The following NCAM2 variants were observed in gnomAD, a reference collection of about 807,000 sequenced individuals.
The protein encoded by NCAM2 is N-CAM-2.
A neutral mutation model predicts 98.1 loss-of-function variants in NCAM2; 30 were observed. That is an observed-to-expected ratio of 0.31 (90% CI 0.23 to 0.41). The LOEUF is 0.41. Ranked by LOEUF, NCAM2 falls within the 10% of genes least tolerant of loss-of-function variation. The pLI is 1.00. For missense variants in NCAM2, 867 were observed against 1,005.8 expected (o/e 0.86, Z 1.87); for synonymous variants, 368 against 342.4 (o/e 1.07, Z -0.83).
At chr21:21,425,312 A>G (rs1389331877) in intron 11 of NCAM2, among the ~76,000 whole-genome samples, 1 of 152,108 alleles carries the variant, frequency 6.6e-6, no homozygotes, top group Non-Finnish European at 1.5e-5. Context: ...AAATATCTAA[A>G]ATATATAAAT....
chr21:21,335,845 C>T (rs1261359221), intron 7 of NCAM2, among the ~76,000 whole-genome samples, 180 bp downstream of exon 7: 2 of 152,086 alleles, frequency 1.3e-5, no homozygotes, highest in South Asian at 2.1e-4. Context: ...CGTAAAATTA[C>T]ATATGCAAAT....
intron 1 of NCAM2, among the ~76,000 whole-genome samples, chr21:21,163,466 C>T (rs939310190): frequency 1.3e-5 from 2 of 152,058 alleles, no homozygotes; most frequent in African/African-American, 4.8e-5. Context: ...AAAACATTTT[C>T]GTTTGCTTTA....
intron 1 of NCAM2, chr21:21,210,517 T>C (rs922827757): frequency 7.8e-6 from 10 of 1,283,656 alleles, no homozygotes; most frequent in African/African-American, 3.0e-5. Flanking sequence ...TGTAAGAGAC[T>C]TAAAGAACAA....
chr21:21,207,824 C>A (rs56342244), intron 1 of NCAM2, among the ~76,000 whole-genome samples: 147 of 152,256 alleles, frequency 9.7e-4, no homozygotes, highest in African/African-American at 3.3e-3. Flanking sequence ...TAAAAATTGG[C>A]TGACCACTAA....
intron 9 of NCAM2, among the ~76,000 whole-genome samples, chr21:21,404,787 T>A (rs1420315847): frequency 1.3e-5 from 2 of 151,810 alleles, no homozygotes; most frequent in African/African-American, 4.8e-5. Context: ...TACCCACTCG[T>A]ATGTACATAT....
chr21:21,447,594 A>G (rs1307060748), intron 12 of NCAM2, among the ~76,000 whole-genome samples: 1 of 152,180 alleles, frequency 6.6e-6, no homozygotes, highest in Non-Finnish European at 1.5e-5. Context: ...AACTATCATC[A>G]GAGTGAACAG....
chr21:21,415,330 C>CTTTT (rs34997215), intron 10 of NCAM2, among the ~76,000 whole-genome samples: 9 of 70,826 alleles, frequency 1.3e-4, no homozygotes, highest in Non-Finnish European at 1.7e-4. Flanking sequence ...TTAGCTTGAT[C>CTTTT]TTTTTTTTTT....
At chr21:21,322,768 G>A (rs1274378815) in intron 5 of NCAM2, among the ~76,000 whole-genome samples, 1 of 152,038 alleles carries the variant, frequency 6.6e-6, no homozygotes, top group South Asian at 2.1e-4. Context: ...GGAAAGACTT[G>A]GAAGACTCAG....
intron 1 of NCAM2, among the ~76,000 whole-genome samples, chr21:21,044,624 G>T (rs1281006229): frequency 6.6e-6 from 1 of 152,000 alleles, no homozygotes; most frequent in Non-Finnish European, 1.5e-5. Context: ...AAAAATAAAA[G>T]AATTATGTTC....
intron 1 of NCAM2, among the ~76,000 whole-genome samples, chr21:21,181,732 T>G (rs2068477896): frequency 6.6e-6 from 1 of 152,166 alleles, no homozygotes; most frequent in South Asian, 2.1e-4. Flanking sequence ...TTCTTCTTTG[T>G]GACCGTTCCT....
chr21:21,527,029 A>T (rs1294730095), intron 16 of NCAM2, among the ~76,000 whole-genome samples: 1 of 152,188 alleles, frequency 6.6e-6, no homozygotes, highest in East Asian at 1.9e-4. Flanking sequence ...TACTAGAATA[A>T]AACATGGCAG....
intron 15 of NCAM2, among the ~76,000 whole-genome samples, chr21:21,479,455 A>G (rs957392342): frequency 3.3e-5 from 5 of 151,344 alleles, no homozygotes; most frequent in East Asian, 2.0e-4. Context: ...GTGGTGGTGG[A>G]CGCCTGTAGT....
At chr21:21,430,032 A>T (rs919112156) in intron 11 of NCAM2, among the ~76,000 whole-genome samples, 2 of 151,624 alleles carry the variant, frequency 1.3e-5, no homozygotes, top group Non-Finnish European at 2.9e-5. Flanking sequence ...TTTTATTTGT[A>T]TTTATTTATT....
At chr21:21,020,417 T>A (rs1431386410) in intron 1 of NCAM2, among the ~76,000 whole-genome samples, 1 of 152,204 alleles carries the variant, frequency 6.6e-6, no homozygotes, top group Non-Finnish European at 1.5e-5. Context: ...CTCGAACTGT[T>A]GTCTGGGCTC....
chr21:21,239,046 A>G (rs987145984), intron 1 of NCAM2, among the ~76,000 whole-genome samples: 4 of 151,852 alleles, frequency 2.6e-5, no homozygotes, highest in African/African-American at 9.7e-5. Context: ...TTTATTGAGC[A>G]ATAAACGGGG....
Position 21,324,455 on chromosome 21 carries a change from C to T in NCAM2, c.692C>T (p.Ser231Phe), listed in dbSNP as rs749160485. The change falls in exon 6 of 18, where the codon TCC becomes TTC. Residue 231 changes from serine (S) to phenylalanine (F), a missense_variant. Ser to Phe is a radical substitution (Grantham distance 155). Transcript: ENST00000400546. The part of the protein sequence containing the change: ...TAERGEEMTF[S>F]CRASGSPEPA... ...GAGAGAGGAGAAGAAATGACATTTT[C>T]CTGCAGGGCCTCAGGCTCTCCAGAA... is the stretch of plus-strand genomic sequence containing the variant. 5 of 1,613,568 alleles carry T rather than the reference C, an allele frequency of 3.1e-6. No homozygotes were observed. In the Admixed American group the frequency reaches 8.3e-5, roughly 27 times the overall value.
chr21:21,221,304 A>G, intron 1 of NCAM2, among the ~76,000 whole-genome samples: 1 of 152,132 alleles, frequency 6.6e-6, no homozygotes, highest in East Asian at 1.9e-4. Context: ...TGTTCAAGTG[A>G]AGGAAAGAGT....
At chr21:21,081,077 A>G (rs11088849) in intron 1 of NCAM2, among the ~76,000 whole-genome samples, 23,384 of 151,998 alleles carry the variant, frequency 0.15, 2,555 homozygotes, top group African/African-American at 0.31. Context: ...TGGTTCTTCC[A>G]TTGGGGTGGG....
chr21:21,151,141 A>G (rs2067436587), intron 1 of NCAM2, among the ~76,000 whole-genome samples: 1 of 151,878 alleles, frequency 6.6e-6, no homozygotes, highest in Non-Finnish European at 1.5e-5. Context: ...GGCAATTTAG[A>G]TATATTTTTA....
Sources: allele counts gnomAD v4.1 joint callset (sites outside exome capture counted in the v4.1 genomes callset), GRCh38; gene constraint gnomAD v4.1.1; transcripts MANE v1.5; gene names NCBI Gene and HGNC (gene_info 2026-07-23, HGNC 2026-07-21).